Variants in TES observed in about 807,000 individuals in gnomAD.
TES encodes testin.
A neutral mutation model predicts 48.2 loss-of-function variants in TES; 41 were observed. The ratio of observed to expected loss-of-function variants is 0.85; its 90% CI spans 0.66 to 1.10. TES has a LOEUF of 1.10. TES is among the 50% of genes least tolerant of loss of function. The pLI is 0.00. For synonymous variants in TES, 162 were observed against 174.9 expected, an observed-to-expected ratio of 0.93 and a Z score of 0.58; for missense variants, 463 against 515.1, an observed-to-expected ratio of 0.90 and a Z score of 0.98.
intron 4 of TES, among the ~76,000 whole-genome samples, chr7:116,250,958 C>T (rs766637167): frequency 1.1e-4 from 16 of 151,954 alleles, no homozygotes; most frequent in Non-Finnish European, 5.9e-5. Flanking sequence ...TAAGTCTCTT[C>T]TAAAGGGAGA....
At position 116,252,415 on chromosome 7, in the gene TES, T is replaced by C. The variant is rs1159022214; in HGVS notation, c.1016T>C (p.Ile339Thr). The change falls in exon 6 of 7, where the codon ATA (isoleucine) becomes ACA (threonine). Residue 339 changes from isoleucine (I) to threonine (T), a missense_variant. Ile to Thr is a moderately conservative substitution (Grantham distance 89, BLOSUM62 -1). Coordinates refer to ENST00000358204, the MANE Select transcript of TES (RefSeq NM_015641.4). ...FDCDSILAGE[I>T]YVMVNDKPVC... The stretch of plus-strand genomic sequence containing the variant: ...TGTGATAGCATTCTAGCTGGGGAGA[T>C]ATACGTGATGGTCAATGACAAGCCC... 5 of 1,614,082 alleles carry C rather than the reference T, an allele frequency of 3.1e-6. No homozygotes were observed. In the African/African-American group the frequency reaches 6.7e-5, roughly 22 times the overall value.
chr7:116,248,142 T>C (rs1391056011), intron 2 of TES, among the ~76,000 whole-genome samples: 2 of 152,220 alleles, frequency 1.3e-5, no homozygotes, highest in Non-Finnish European at 2.9e-5. Context: ...TCAAAGGACA[T>C]GATTTCATTC....
chr7:116,256,074 C>CAAAG (rs3993918), intron 6 of TES, among the ~76,000 whole-genome samples: 49,449 of 151,756 alleles, frequency 0.33, 8,368 homozygotes, highest in East Asian at 0.58. Flanking sequence ...GTGTGTTGAT[C>CAAAG]AAAGAATTTT....
intron 1 of TES, among the ~76,000 whole-genome samples, chr7:116,215,179 C>T (rs1290953989): frequency 6.6e-6 from 1 of 152,168 alleles, no homozygotes; most frequent in Non-Finnish European, 1.5e-5. Context: ...GAGAACTTTA[C>T]TATGAACTTG....
chr7:116,220,178 G>C (rs926830838), intron 1 of TES, among the ~76,000 whole-genome samples: 2 of 152,092 alleles, frequency 1.3e-5, no homozygotes, highest in Non-Finnish European at 2.9e-5. Context: ...CTCTATCTTT[G>C]GTAATGGAAT....
At chr7:116,246,154 G>C (rs1047282743) in intron 2 of TES, among the ~76,000 whole-genome samples, 1 of 152,100 alleles carries the variant, frequency 6.6e-6, no homozygotes, top group African/African-American at 2.4e-5. Flanking sequence ...TCAGTTTTTT[G>C]TTCAAGGAGA....
rs370427988 is a variant in TES, at chr7:116,258,145, T to C, written c.*663T>C. On this transcript the variant is annotated 3_prime_UTR_variant, in exon 7 of 7. Transcript: ENST00000358204. ...CTTGCATCTGTGGCCTTGAATATTTTATTATCACATGTGGCATAACAGTAT... is the reference window on the plus strand; with the variant it reads ...CTTGCATCTGTGGCCTTGAATATTTCATTATCACATGTGGCATAACAGTAT... 6.6e-5 allele frequency: 10 copies of C among 152,292 alleles called. No homozygotes were observed. The highest frequency in any genetic ancestry group is 2.4e-4 in the African/African-American group (10 of 41,562). The allele number at this position is 152,292 out of a possible 1,614,324, so 9.4% of individuals were successfully genotyped here.
chr7:116,215,922 G>A (rs1207301230), intron 1 of TES, among the ~76,000 whole-genome samples: 4 of 152,126 alleles, frequency 2.6e-5, no homozygotes, highest in Non-Finnish European at 5.9e-5. Flanking sequence ...AATATTGGGA[G>A]AACTATTTTT....
In TES at chr7:116,257,376, A is replaced by C; in HGVS notation, c.1160A>C (p.Glu387Ala). Residue 387 changes from glutamate to alanine, a missense_variant, in exon 7 of 7, where the codon GAG becomes GCG. Transcript: ENST00000358204. ...AATTTCAGCTGGCATGCATCCACAG[A>C]GTGCTTTCTGTGCTCTTGCTGCAGC... ...YNNFSWHAST[E>A]CFLCSCCSKC... The C allele has an allele frequency of 6.2e-7, 1 of 1,614,110 alleles. No individual in the cohort carries two copies. The highest frequency in any genetic ancestry group is 8.5e-7 in the Non-Finnish European group (1 of 1,180,008).
At chr7:116,230,229 C>G (rs1373340941) in intron 1 of TES, among the ~76,000 whole-genome samples, 1 of 152,168 alleles carries the variant, frequency 6.6e-6, no homozygotes, top group Non-Finnish European at 1.5e-5. Context: ...ATTCCACTCT[C>G]TTTCACTTAC....
At chr7:116,248,813 G>A (rs985438871) in intron 2 of TES, among the ~76,000 whole-genome samples, 8 of 151,874 alleles carry the variant, frequency 5.3e-5, no homozygotes, top group Admixed American at 6.6e-5. Context: ...TTACAACCTA[G>A]CTTTTAAAAG....
chr7:116,242,521 CTCTCTCTCTCTCTCTCTGTCTCTG>C (rs1300909628), intron 2 of TES, among the ~76,000 whole-genome samples: 2 of 129,996 alleles, frequency 1.5e-5, no homozygotes, highest in Admixed American at 7.5e-5. Context: ...CTCTCTCTCT[CTCTCTCTCTCTCTCTCTGTCTCTG>C]TCTCGGAATA....
In TES at chr7:116,229,026, AT is replaced by A. The variant is rs1563007774; in HGVS notation, c.28-5507del. 4.0e-3 allele frequency among the ~76,000 whole-genome samples: 500 copies of A among 125,310 alleles called. 16 individuals are homozygous for A. The highest frequency in any genetic ancestry group is 0.028 in the East Asian group (127 of 4,604). The allele number at this position is 125,310 out of a possible 152,430, so 82.2% of individuals were successfully genotyped here. On this transcript the variant is annotated intron_variant, in intron 1 of 6. Transcript: ENST00000358204. ...TATATATATATATATATATATATATATATATATAATCATTTCCTTAATATTT... is the reference window on the plus strand; with the variant it reads ...TATATATATATATATATATATATATAATATATAATCATTTCCTTAATATTT...
chr7:116,252,534 C>T (rs1415458174), intron 6 of TES, 58 bp downstream of exon 6: 1 of 1,612,522 alleles, frequency 6.2e-7, no homozygotes, highest in Non-Finnish European at 8.5e-7. Context: ...TGAGTTTATG[C>T]TTTTCTTAAA....
intron 6 of TES, among the ~76,000 whole-genome samples, chr7:116,256,126 T>A (rs1334479757): frequency 6.6e-6 from 1 of 152,164 alleles, no homozygotes; most frequent in African/African-American, 2.4e-5. Flanking sequence ...AACTTATAGA[T>A]TACAGAGCTA....
chr7:116,250,456 C>A lies in TES; in HGVS notation c.662C>A (p.Ala221Asp). The A allele has an allele frequency of 2.5e-6, 4 of 1,580,688 alleles. No homozygotes were observed. The highest frequency in any genetic ancestry group is 1.2e-5 in the South Asian group (1 of 84,478). The change falls in exon 4 of 7, where the codon GCC (alanine) becomes GAC (aspartate). Residue 221 changes from alanine to aspartate, a missense_variant. Ala to Asp is a moderately radical substitution (Grantham distance 126). Coordinates refer to ENST00000358204, the MANE Select transcript of TES (RefSeq NM_015641.4). ...GDRSTPAAVG[A>D]MEDKSAEHKR... ...AGAAGCACCCCAGCAGCAGTGGGGGCCATGGAGGACAAATCTGCTGAGCAC... is the reference window on the plus strand; with the variant it reads ...AGAAGCACCCCAGCAGCAGTGGGGGACATGGAGGACAAATCTGCTGAGCAC...
intron 1 of TES, among the ~76,000 whole-genome samples, chr7:116,212,226 G>T (rs1214840182): frequency 6.6e-6 from 1 of 152,162 alleles, no homozygotes; most frequent in Non-Finnish European, 1.5e-5. Context: ...AGACAACTTT[G>T]CAAAAGTAAA....
intron 6 of TES, among the ~76,000 whole-genome samples, chr7:116,256,511 G>T (rs1237150375): frequency 1.3e-5 from 2 of 152,064 alleles, no homozygotes; most frequent in African/African-American, 2.4e-5. Context: ...GGTCCGAACT[G>T]GTTTTCTGTT....
chr7:116,247,278 G>A (rs1019629312), intron 2 of TES, among the ~76,000 whole-genome samples: 1 of 152,100 alleles, frequency 6.6e-6, no homozygotes, highest in Admixed American at 6.6e-5. Flanking sequence ...AAGTTTCCCT[G>A]TCTCTCACTA....
Sources: allele counts gnomAD v4.1 joint callset (sites outside exome capture counted in the v4.1 genomes callset), GRCh38; gene constraint gnomAD v4.1.1; transcripts MANE v1.5; gene names NCBI Gene and HGNC (gene_info 2026-07-23, HGNC 2026-07-21).